The following CDK13 variants were observed in gnomAD, a reference collection of about 807,000 sequenced individuals.
The protein encoded by CDK13 is cyclin-dependent kinase 13.
CDK13 carries 40 observed loss-of-function variants against 137.6 expected under a neutral mutation model. The ratio of observed to expected loss-of-function variants is 0.29; its 90% confidence interval spans 0.23 to 0.38. The LOEUF is 0.38. CDK13 is among the 10% of genes least tolerant of loss of function. The pLI, the probability that CDK13 is intolerant of heterozygous loss-of-function variation, is 1.00. For synonymous variants in CDK13, 869 were observed against 760.1 expected, an observed-to-expected ratio of 1.14 and a Z score of -2.36; for missense variants, 1,704 against 1,951.8, an observed-to-expected ratio of 0.87 and a Z score of 2.39.
rs781668616 is a variant in CDK13, at chr7:40,094,936, A to G, written c.4495A>G (p.Ser1499Gly). The G allele has an allele frequency of 1.9e-5, 28 of 1,452,662 alleles. No individual in the cohort carries two copies. The highest frequency in any genetic ancestry group is 2.5e-5 in the Non-Finnish European group (28 of 1,101,268). The allele number at this position is 1,452,662 out of a possible 1,614,324, so 90.0% of individuals were successfully genotyped here. ...TTCACAAGGATACAGGGGACATATT[A>G]GCACATCAACTGGCAGAGGCAGAGG... ...GYSQGYRGHI[S>G]TSTGRGRGRG... Residue 1499 changes from serine to glycine, a missense_variant, in exon 14 of 14, where the codon AGC becomes GGC. Physicochemically the swap from Ser to Gly is moderately conservative, Grantham distance 56 (BLOSUM62 0). Around this residue, in one of 5 missense-constraint regions of CDK13, gnomAD observed 475 missense variants for 579.3 expected, o/e 0.82. Coordinates refer to ENST00000181839, the MANE Select transcript of CDK13 (RefSeq NM_003718.5).
At chr7:40,084,271 G>T (rs974676820) in intron 11 of CDK13, among the ~76,000 whole-genome samples, 2 of 152,162 alleles carry the variant, frequency 1.3e-5, no homozygotes, top group South Asian at 4.1e-4. Flanking sequence ...ACGAGGTCAA[G>T]AGATTGATAC....
rs770675068 is a variant in CDK13, at chr7:39,987,713, A to G, written c.1326A>G (p.Thr442=). 1.9e-6 allele frequency: 3 copies of G among 1,614,132 alleles called. No homozygotes were observed. The highest frequency in any genetic ancestry group is 2.5e-6 in the Non-Finnish European group (3 of 1,180,040). ...GTCATTCTAGTATTTCTCCTAGCAC[A>G]CTAACTCTGAAGAGTAGCCTGGCAG... The part of the protein sequence containing the change: ...RSRHSSISPS[T]LTLKSSLAAE... The change falls in exon 2 of 14, where the codon ACA becomes ACG. Residue 442 remains threonine (T), a synonymous_variant. Transcript: ENST00000181839.
chr7:39,982,426 T>G (rs979696461), intron 1 of CDK13, among the ~76,000 whole-genome samples: 1 of 152,118 alleles, frequency 6.6e-6, no homozygotes, highest in Non-Finnish European at 1.5e-5. Context: ...TGTTGGACAT[T>G]TGGGTTGGTT....
intron 5 of CDK13, among the ~76,000 whole-genome samples, chr7:40,004,909 G>C (rs1273195291): frequency 2.0e-5 from 3 of 152,192 alleles, no homozygotes. Flanking sequence ...GCTTAAACCT[G>C]TAATCCCAGC....
At chr7:39,966,458 A>G (rs1476623351) in intron 1 of CDK13, among the ~76,000 whole-genome samples, 1 of 152,126 alleles carries the variant, frequency 6.6e-6, no homozygotes, top group African/African-American at 2.4e-5. Context: ...TTTCAGCTCC[A>G]TCAGGTCCTT....
chr7:39,981,978 T>C (rs1260815973), intron 1 of CDK13, among the ~76,000 whole-genome samples: 1 of 151,054 alleles, frequency 6.6e-6, no homozygotes, highest in Non-Finnish European at 1.5e-5. Context: ...TTTTCACTAT[T>C]GTGTATTTTT....
intron 5 of CDK13, among the ~76,000 whole-genome samples, chr7:40,021,650 TTTAA>T (rs1164838247): frequency 1.3e-5 from 2 of 152,194 alleles, no homozygotes; most frequent in Non-Finnish European, 2.9e-5. Context: ...TAGTGTTTTA[TTTAA>T]TTAAAATATA....
At chr7:40,011,956 A>G (rs1173016902) in intron 5 of CDK13, among the ~76,000 whole-genome samples, 2 of 152,340 alleles carry the variant, frequency 1.3e-5, no homozygotes, top group East Asian at 1.9e-4. Flanking sequence ...CAACGTGATT[A>G]AAAAGTGGGC....
intron 5 of CDK13, among the ~76,000 whole-genome samples, chr7:40,009,936 T>C (rs984643040): frequency 6.6e-6 from 1 of 152,112 alleles, no homozygotes; most frequent in African/African-American, 2.4e-5. Flanking sequence ...CTTTAGTTTG[T>C]GTGTGTGTAT....
intron 5 of CDK13, among the ~76,000 whole-genome samples, chr7:40,016,364 A>T (rs946041140): frequency 1.3e-5 from 2 of 152,052 alleles, no homozygotes; most frequent in Non-Finnish European, 2.9e-5. Context: ...CCTAAGTGAG[A>T]CAATATGTGA....
intron 1 of CDK13, among the ~76,000 whole-genome samples, chr7:39,973,261 T>A (rs2116198446): frequency 6.6e-6 from 1 of 152,200 alleles, no homozygotes; most frequent in East Asian, 1.9e-4. Flanking sequence ...CTTAGCCTCC[T>A]GAGCAGCTGG....
At chr7:39,999,759 T>C (rs1407212365) in intron 4 of CDK13, among the ~76,000 whole-genome samples, 2 of 152,214 alleles carry the variant, frequency 1.3e-5, no homozygotes, top group Non-Finnish European at 2.9e-5. Context: ...AGTTTTTCTT[T>C]CCTCTTTTAT....
chr7:40,003,206 A>ACACCCTCTCTCTCTCT (rs374470130), intron 5 of CDK13, among the ~76,000 whole-genome samples: 1 of 79,864 alleles, frequency 1.3e-5, no homozygotes, highest in African/African-American at 4.8e-5. Context: ...ACACACACAC[A>ACACCCTCTCTCTCTCT]CTCTCTCTCT....
chr7:40,023,728 G>A (rs1396619652), intron 5 of CDK13, among the ~76,000 whole-genome samples: 1 of 151,696 alleles, frequency 6.6e-6, no homozygotes, highest in Non-Finnish European at 1.5e-5. Flanking sequence ...CTCGTGATCC[G>A]CCCGCCTCGG....
chr7:39,987,650 A>T lies in CDK13; in HGVS notation c.1263A>T (p.Arg421Ser), dbSNP rs1270955505. 1 of 1,612,260 alleles carries T rather than the reference A, an allele frequency of 6.2e-7. No individual in the cohort carries two copies. Reference sequence around the variant, plus strand: ...GCCCGTATTCATCTAGGCATTCAAGATCTCGTAGCAGGCACAGATTGTCTA... The same window carrying T: ...GCCCGTATTCATCTAGGCATTCAAGTTCTCGTAGCAGGCACAGATTGTCTA... ...SRSPYSSRHS[R>S]SRSRHRLSRS... The change falls in exon 2 of 14, where the codon AGA becomes AGT. Residue 421 changes from arginine (R) to serine (S), a missense_variant. Transcript: ENST00000181839.
chr7:40,094,600 T>C lies in CDK13; in HGVS notation c.4159T>C (p.Ser1387Pro). ...LDNYSTASSH[S>P]GGPPQPSAFS... ...TAACTACAGTACTGCTTCATCTCAT[T>C]CTGGTGGTCCACCTCAGCCTTCTGC... Residue 1387 changes from serine to proline, a missense_variant, in exon 14 of 14, where the codon TCT (serine) becomes CCT (proline). Around this residue, in one of 5 missense-constraint regions of CDK13, gnomAD observed 475 missense variants for 579.3 expected, o/e 0.82. Transcript: ENST00000181839. 6.2e-7 allele frequency: 1 copy of C among 1,613,824 alleles called. No individual in the cohort carries two copies. Among genetic ancestry groups the C allele is most frequent in the Non-Finnish European group, 8.5e-7 (1 of 1,179,868 alleles).
intron 1 of CDK13, among the ~76,000 whole-genome samples, chr7:39,954,575 A>G (rs1035471708): frequency 2.0e-5 from 3 of 152,086 alleles, no homozygotes; most frequent in African/African-American, 7.2e-5. Context: ...AGTTTACTGA[A>G]CATACAAAAT....
intron 1 of CDK13, chr7:39,952,556 G>A (rs1023601878): frequency 2.0e-5 from 3 of 152,120 alleles, no homozygotes; most frequent in Non-Finnish European, 4.4e-5. Flanking sequence ...TTTCTTTGTT[G>A]GTTTGTGATG....
chr7:40,089,723 A>AGTGTGTGT (rs142023627), intron 12 of CDK13, among the ~76,000 whole-genome samples: 11 of 125,150 alleles, frequency 8.8e-5, no homozygotes, highest in African/African-American at 3.6e-4. Flanking sequence ...AGAGAGAGAG[A>AGTGTGTGT]GTGTGTGTGT....
Sources: gnomAD v4.1 joint callset for allele counts (sites outside exome capture counted in the v4.1 genomes callset) on GRCh38, gnomAD v4.1.1 for gene constraint, gnomAD v4.1.1 regional missense constraint, MANE v1.5 for transcripts, NCBI Gene and HGNC (gene_info 2026-07-23, HGNC 2026-07-21) for gene names.